Variants in CALN1 observed in about 807,000 individuals in gnomAD.
The protein encoded by CALN1 is calneuron 1, also known as calcium-binding protein 8.
Under a neutral mutation model 30.6 loss-of-function variants are expected in CALN1, and 17 were observed. The ratio of observed to expected loss-of-function variants is 0.56; its 90% confidence interval spans 0.38 to 0.83. The LOEUF is 0.83. Among genes scored for constraint, CALN1 ranks in the 40% least tolerant of loss-of-function variants. The pLI is 0.00. For missense variants in CALN1, 291 were observed against 354.9 expected (o/e 0.82, Z 1.45); for synonymous variants, 156 against 131.4 (o/e 1.19, Z -1.28).
the CALN1 span, among the ~76,000 whole-genome samples, chr7:72,470,620 T>A: frequency 6.6e-6 from 1 of 152,226 alleles, no homozygotes; most frequent in African/African-American, 2.4e-5. Flanking sequence ...TCTATGTCCT[T>A]ACTTTCTTTG....
At chr7:72,379,150 G>C (rs1194333732) in intron 2 of CALN1, among the ~76,000 whole-genome samples, 3 of 151,982 alleles carry the variant, frequency 2.0e-5, no homozygotes, top group Non-Finnish European at 4.4e-5. Flanking sequence ...ATTTTTTTGA[G>C]ACAGAGTCTT....
intron 3 of CALN1, among the ~76,000 whole-genome samples, chr7:72,196,718 A>T (rs1044691363): frequency 6.6e-6 from 1 of 152,238 alleles, no homozygotes; most frequent in African/African-American, 2.4e-5. Flanking sequence ...ATACGTGTTC[A>T]CATATATTAA....
intron 5 of CALN1, among the ~76,000 whole-genome samples, chr7:72,007,867 T>G (rs1031406258): frequency 9.2e-5 from 14 of 152,106 alleles, no homozygotes; most frequent in Admixed American, 2.6e-4. Flanking sequence ...GGGCCCAACC[T>G]CAAAAGACTT....
At chr7:72,403,503 G>C (rs938415053) in intron 1 of CALN1, 61 bp from the exon 2 acceptor site, 2 of 616,728 alleles carry the variant, frequency 3.2e-6, no homozygotes, top group Non-Finnish European at 5.4e-6. Flanking sequence ...TCTTCTCAAA[G>C]CCTGCCGCCT....
intron 5 of CALN1, among the ~76,000 whole-genome samples, chr7:71,997,172 G>T (rs1222664483): frequency 6.6e-6 from 1 of 152,152 alleles, no homozygotes; most frequent in East Asian, 1.9e-4. Context: ...TTTGGGGGTT[G>T]CAGTGAACTA....
intron 5 of CALN1, among the ~76,000 whole-genome samples, chr7:71,910,015 G>A (rs1365096811): frequency 6.6e-6 from 1 of 152,218 alleles, no homozygotes; most frequent in Non-Finnish European, 1.5e-5. Flanking sequence ...CAGCAGGCAA[G>A]AGAGCTTTGC....
chr7:72,284,572 C>T (rs1247876594), intron 2 of CALN1, among the ~76,000 whole-genome samples: 1 of 152,180 alleles, frequency 6.6e-6, no homozygotes, highest in Non-Finnish European at 1.5e-5. Context: ...AATGAACACA[C>T]TAAGAAAGAA....
chr7:72,290,850 T>C (rs1798429034), intron 2 of CALN1, among the ~76,000 whole-genome samples: 1 of 152,192 alleles, frequency 6.6e-6, no homozygotes, highest in African/African-American at 2.4e-5. Context: ...TTGGTTCTTT[T>C]ATAAACACAC....
intron 5 of CALN1, among the ~76,000 whole-genome samples, chr7:71,902,735 G>A (rs1485270230): frequency 6.6e-6 from 1 of 152,044 alleles, no homozygotes; most frequent in African/African-American, 2.4e-5. Context: ...GCAAAGATGT[G>A]CAATTCATAA....
chr7:72,060,870 T>C (rs1803599174), intron 4 of CALN1, among the ~76,000 whole-genome samples: 1 of 152,236 alleles, frequency 6.6e-6, no homozygotes, highest in Admixed American at 6.5e-5. Flanking sequence ...GGTGTCACGC[T>C]TCTTGTATAG....
At chr7:71,799,012 C>G (rs918420299) in intron 6 of CALN1, among the ~76,000 whole-genome samples, 10 of 152,078 alleles carry the variant, frequency 6.6e-5, no homozygotes, top group East Asian at 5.8e-4. Flanking sequence ...GCTCCCACCC[C>G]CTGCATTTGG....
At chr7:72,230,027 G>A (rs1204340900) in intron 3 of CALN1, among the ~76,000 whole-genome samples, 1 of 149,890 alleles carries the variant, frequency 6.7e-6, no homozygotes, top group Non-Finnish European at 1.5e-5. Flanking sequence ...TGTAGTTCCA[G>A]CTACTCAGGA....
intron 2 of CALN1, among the ~76,000 whole-genome samples, chr7:72,304,574 T>C (rs929258979): frequency 3.3e-4 from 50 of 152,330 alleles, no homozygotes; most frequent in African/African-American, 1.2e-3. Flanking sequence ...TGGCTTACAA[T>C]GCTTGCCTCT....
chr7:72,106,403 T>C (rs1807112951), intron 3 of CALN1, 109 bp from the exon 4 acceptor site: 4 of 1,339,908 alleles, frequency 3.0e-6, no homozygotes, highest in Non-Finnish European at 2.1e-6. Context: ...AAAACAGTGA[T>C]TTGTTAAAAC....
chr7:71,923,216 A>G (rs1046300443), intron 5 of CALN1, among the ~76,000 whole-genome samples: 1 of 152,164 alleles, frequency 6.6e-6, no homozygotes, highest in Non-Finnish European at 1.5e-5. Flanking sequence ...GGCACCCTTT[A>G]TGCTCATTTG....
At chr7:72,205,551 A>AAATATATACATATATACATATATATAT in intron 3 of CALN1, among the ~76,000 whole-genome samples, 13 of 83,038 alleles carry the variant, frequency 1.6e-4, no homozygotes, top group South Asian at 1.5e-3. Context: ...GCAAAAAAAA[A>AAATATATACATATATACATATATATAT]ATATATATAT....
At chr7:71,922,775 TATAA>T (rs1468223782) in intron 5 of CALN1, among the ~76,000 whole-genome samples, 3 of 139,554 alleles carry the variant, frequency 2.1e-5, no homozygotes, top group Non-Finnish European at 4.5e-5. Context: ...ATATATTATA[TATAA>T]ATATATAACA....
chr7:72,359,626 C>G (rs1803439851), intron 2 of CALN1, among the ~76,000 whole-genome samples: 1 of 151,998 alleles, frequency 6.6e-6, no homozygotes, highest in Non-Finnish European at 1.5e-5. Flanking sequence ...AACCTGATTC[C>G]AATCATGAGA....
intron 2 of CALN1, among the ~76,000 whole-genome samples, chr7:72,367,749 C>A (rs6460718): frequency 0.37 from 55,677 of 152,072 alleles, 11,002 homozygotes; most frequent in Admixed American, 0.45. Context: ...GCAAGGGGAT[C>A]GCTTGAGCCC....
Sources: gnomAD v4.1 joint callset for allele counts (sites outside exome capture counted in the v4.1 genomes callset) on GRCh38, gnomAD v4.1.1 for gene constraint, MANE v1.5 for transcripts, NCBI Gene and HGNC (gene_info 2026-07-23, HGNC 2026-07-21) for gene names.